Variants in GPR161 observed in about 807,000 individuals in gnomAD.
GPR161 encodes G protein-coupled receptor 161.
A neutral mutation model predicts 39.2 loss-of-function variants in GPR161; 25 were observed. The observed-to-expected ratio is 0.64, with a 90% CI of 0.47 to 0.89. GPR161 has a LOEUF of 0.89. Ranked by LOEUF, GPR161 falls within the 40% of genes least tolerant of loss-of-function variation. GPR161 has a pLI of 0.00. For missense variants in GPR161, 547 were observed against 677.8 expected (o/e 0.81, Z 2.14); for synonymous variants, 286 against 276.6 (o/e 1.03, Z -0.34).
At chr1:168,120,215 C>A (rs1170538882) in intron 1 of GPR161, among the ~76,000 whole-genome samples, 1 of 152,222 alleles carries the variant, frequency 6.6e-6, no homozygotes, top group African/African-American at 2.4e-5. Flanking sequence ...TGGGAGCCCA[C>A]CCCTTGCATC....
chr1:168,099,022 C>T (rs1198814533), intron 2 of GPR161, among the ~76,000 whole-genome samples: 1 of 152,174 alleles, frequency 6.6e-6, no homozygotes, highest in South Asian at 2.1e-4. Flanking sequence ...CTCCTAGGAA[C>T]GAATGAGGAA....
At chr1:168,100,197 C>T (rs1048752816) in intron 2 of GPR161, among the ~76,000 whole-genome samples, 9 of 107,574 alleles carry the variant, frequency 8.4e-5, no homozygotes, top group African/African-American at 3.4e-4. Flanking sequence ...GGTGACAGAG[C>T]AAGACCCTGT....
chr1:168,136,556 T>C (rs1699390453), intron 1 of GPR161, 183 bp downstream of exon 1: 2 of 1,254,542 alleles, frequency 1.6e-6, no homozygotes, highest in African/African-American at 3.1e-5. Flanking sequence ...CAAGGCGCAG[T>C]GCGGGCGGAG....
intron 3 of GPR161, among the ~76,000 whole-genome samples, chr1:168,091,166 G>A (rs993213429): frequency 2.6e-5 from 4 of 152,158 alleles, no homozygotes; most frequent in Admixed American, 6.5e-5. Flanking sequence ...GGTTGGCAAC[G>A]GGGAGGTTTG....
At chr1:168,118,792 T>C (rs1222208485) in intron 1 of GPR161, 2 of 151,966 alleles carry the variant, frequency 1.3e-5, no homozygotes, top group Non-Finnish European at 2.9e-5. Context: ...ATGACTTGAA[T>C]AGACATTTTT....
chr1:168,087,334 G>GTGTGTGT (rs1558085252), intron 5 of GPR161, among the ~76,000 whole-genome samples: 6 of 148,770 alleles, frequency 4.0e-5, no homozygotes, highest in African/African-American at 1.2e-4. Context: ...AACACGTGTG[G>GTGTGTGT]GTGTGTGTGT....
chr1:168,136,966 C>T (rs1185967896), upstream of GPR161: 10 of 937,662 alleles, frequency 1.1e-5, no homozygotes, highest in African/African-American at 1.9e-5. Flanking sequence ...CCGCCCCCCC[C>T]ACGCCCGGCC....
In GPR161 at chr1:168,084,989, C is replaced by T. The variant is rs1476813579; in HGVS notation, c.*542G>A. On this transcript the variant is annotated 3_prime_UTR_variant, in exon 6 of 6. Transcript: ENST00000682931. ...GCTCCTGGGTGCTTTCTCTGCGGACCAGTCCTAGAACTGAGGGTCCCACAC... is the reference window on the plus strand; with the variant it reads ...GCTCCTGGGTGCTTTCTCTGCGGACTAGTCCTAGAACTGAGGGTCCCACAC... 2.2e-6 allele frequency: 1 copy of T among 456,238 alleles called. No individual in the cohort carries two copies. The highest frequency in any genetic ancestry group is 2.0e-5 in the African/African-American group (1 of 50,074). 28.3% of individuals were successfully genotyped at this position (456,238 alleles called of 1,614,324 possible). A position where few individuals can be genotyped will look rare whatever the true frequency, so the allele number is the denominator to read the frequency against.
upstream of GPR161, chr1:168,137,159 C>T (rs1699455628): frequency 5.7e-6 from 8 of 1,392,728 alleles, no homozygotes; most frequent in Middle Eastern, 2.3e-4. Context: ...TTTGTCTCGC[C>T]CTTACCCTCT....
At position 168,096,708 on chromosome 1, in the gene GPR161, G is replaced by A; in HGVS notation, c.899C>T (p.Ser300Phe). The A allele has an allele frequency of 1.2e-6, 2 of 1,614,042 alleles. No homozygotes were observed. Among genetic ancestry groups the A allele is most frequent in the Non-Finnish European group, 1.7e-6 (2 of 1,179,980 alleles). The change falls in exon 3 of 6, where the codon TCC (serine) becomes TTC (phenylalanine). Residue 300 changes from serine to phenylalanine, a missense_variant. Transcript: ENST00000682931. Reference sequence around the variant, plus strand: ...CCAAGTCTCCAGGCTCGGGGAGACGGAGCTTTTCCCCCAGAGGGCCTCAGA... The same window carrying A: ...CCAAGTCTCCAGGCTCGGGGAGACGAAGCTTTTCCCCCAGAGGGCCTCAGA... ...IASEALWGKS[S>F]VSPSLETWAT...
rs1181117926 is a variant in GPR161 at position 168,084,428 on chromosome 1, A to G, written c.*1103T>C. 3.9e-6 allele frequency: 1 copy of G among 256,796 alleles called. No individual in the cohort carries two copies. The highest frequency in any genetic ancestry group is 1.2e-4 in the East Asian group (1 of 8,348). The allele number at this position is 256,796 out of a possible 1,614,324, so 15.9% of individuals were successfully genotyped here. A position where few individuals can be genotyped will look rare whatever the true frequency, so the allele number is the denominator to read the frequency against. Reference sequence around the variant, plus strand: ...CAACTCCACTCTGTTTTCCCACTTTACAGAGGACCTAGAAAGGTGACAAGA... The same window carrying G: ...CAACTCCACTCTGTTTTCCCACTTTGCAGAGGACCTAGAAAGGTGACAAGA... On this transcript the variant is annotated 3_prime_UTR_variant, in exon 6 of 6. Transcript: ENST00000682931.
At chr1:168,135,913 A>G in intron 1 of GPR161, 1 of 559,084 alleles carries the variant, frequency 1.8e-6, no homozygotes, top group Non-Finnish European at 2.4e-6. Context: ...AACAAGCAAA[A>G]ATAGCCTCCA....
Position 168,085,644 on chromosome 1 carries a change from T to A in GPR161, c.1477A>T (p.Thr493Ser). ...ALPGVLVTAR[T>S]VPGGGFGGRR... ...CCCCCGAAGCCGCCCCCCGGGACAG[T>A]CCGTGCTGTAACCAAGACCCCTGGC... Residue 493 changes from threonine to serine, a missense_variant, in exon 6 of 6, where the codon ACT becomes TCT. Coordinates refer to ENST00000682931, the MANE Select transcript of GPR161 (RefSeq NM_001375883.1). 6.2e-7 allele frequency: 1 copy of A among 1,614,122 alleles called. No homozygotes were observed. Among genetic ancestry groups the A allele is most frequent in the Non-Finnish European group, 8.5e-7 (1 of 1,180,016 alleles).
At chr1:168,135,249 G>T (rs1278992497) in intron 1 of GPR161, among the ~76,000 whole-genome samples, 1 of 152,142 alleles carries the variant, frequency 6.6e-6, no homozygotes, top group Non-Finnish European at 1.5e-5. Flanking sequence ...GTTCAATCTG[G>T]GCTGCTTACC....
rs148242156 is a variant in GPR161 at position 168,092,523 on chromosome 1, T to C, written c.1100-1855A>G. 2.0e-3 allele frequency among the ~76,000 whole-genome samples: 312 copies of C among 152,268 alleles called. 1 individual carries two copies. Among genetic ancestry groups the C allele is most frequent in the African/African-American group, 7.2e-3 (300 of 41,548 alleles). On this transcript the variant is annotated intron_variant, in intron 3 of 5. Coordinates refer to ENST00000682931, the MANE Select transcript of GPR161 (RefSeq NM_001375883.1). Reference sequence around the variant, plus strand: ...GATTGTTCACATGAAACAATGTATTTACTGGGCTGAGCACAATCCAACCCC... The same window carrying C: ...GATTGTTCACATGAAACAATGTATTCACTGGGCTGAGCACAATCCAACCCC...
upstream of GPR161, chr1:168,137,345 T>C (rs1699465773): frequency 2.0e-6 from 3 of 1,535,730 alleles, no homozygotes; most frequent in Non-Finnish European, 2.6e-6. Flanking sequence ...ATTCTCCTCC[T>C]CCAGTCCCGC....
In GPR161 at chr1:168,101,439, T is replaced by C. The variant is rs140025020; in HGVS notation, c.374+3038A>G. ...TAGGACAGCTCCTCACCACAGAGAA[T>C]TATCTGGCTCGAAATGTCAACAGTG... is the stretch of plus-strand genomic sequence containing the variant. On this transcript the variant is annotated intron_variant, in intron 2 of 5. Coordinates refer to ENST00000682931, the MANE Select transcript of GPR161 (RefSeq NM_001375883.1). Among the ~76,000 whole-genome samples the C allele has an allele frequency of 5.1e-3, 776 of 152,276 alleles. 6 individuals carry two copies. Among genetic ancestry groups the C allele is most frequent in the African/African-American group, 0.017 (687 of 41,556 alleles).
chr1:168,116,523 T>C (rs935409637), intron 1 of GPR161, among the ~76,000 whole-genome samples: 1 of 152,118 alleles, frequency 6.6e-6, no homozygotes, highest in African/African-American at 2.4e-5. Context: ...ACCCTGTAAC[T>C]GAGATAAAGA....
At chr1:168,130,018 C>T (rs1698867159) in intron 1 of GPR161, among the ~76,000 whole-genome samples, 1 of 152,166 alleles carries the variant, frequency 6.6e-6, no homozygotes, top group Admixed American at 6.5e-5. Context: ...TTGAGACTCC[C>T]TCTTCCCTTG....
Sources: gnomAD v4.1 joint callset for allele counts (sites outside exome capture counted in the v4.1 genomes callset) on GRCh38, gnomAD v4.1.1 for gene constraint, MANE v1.5 for transcripts, NCBI Gene and HGNC (gene_info 2026-07-23, HGNC 2026-07-21) for gene names.